The following BABAM2 variants were observed in gnomAD, a reference collection of about 807,000 sequenced individuals.
BABAM2 encodes the protein BRISC and BRCA1 A complex member 2.
BABAM2 carries 31 observed loss-of-function variants against 54.7 expected under a neutral mutation model. That is an observed-to-expected ratio of 0.57 (90% confidence interval 0.43 to 0.77). The LOEUF is 0.77. Ranked by LOEUF, BABAM2 falls within the 30% of genes least tolerant of loss-of-function variation. The probability of loss-of-function intolerance (pLI) is 0.00; values close to 1 mark genes in which losing one functional copy is unlikely to be tolerated. For missense variants in BABAM2, 364 were observed against 455.8 expected, an observed-to-expected ratio of 0.80 and a Z score of 1.83; for synonymous variants, 167 against 162.9, an observed-to-expected ratio of 1.03 and a Z score of -0.19.
intron 7 of BABAM2, among the ~76,000 whole-genome samples, chr2:28,162,696 C>T (rs1193084198): frequency 6.6e-6 from 1 of 152,198 alleles, no homozygotes; most frequent in African/African-American, 2.4e-5. Context: ...AATTTTTAAG[C>T]ATCTTGACTG....
At chr2:27,933,349 G>A (rs1668237189) in intron 3 of BABAM2, among the ~76,000 whole-genome samples, 1 of 152,038 alleles carries the variant, frequency 6.6e-6, no homozygotes, top group African/African-American at 2.4e-5. Flanking sequence ...ATGCTAAAAT[G>A]AGTCAAGATT....
At chr2:28,041,007 C>A (rs1475573085) in intron 5 of BABAM2, among the ~76,000 whole-genome samples, 1 of 152,150 alleles carries the variant, frequency 6.6e-6, no homozygotes, top group African/African-American at 2.4e-5. Flanking sequence ...AATAAAAATA[C>A]ATTGTACAAG....
intron 7 of BABAM2, among the ~76,000 whole-genome samples, chr2:28,139,634 G>A (rs1363461210): frequency 1.3e-5 from 2 of 152,108 alleles, no homozygotes; most frequent in African/African-American, 4.8e-5. Flanking sequence ...TGTTGCAGGA[G>A]GACTCTAGGT....
At chr2:27,919,645 A>G (rs981580923) in intron 2 of BABAM2, among the ~76,000 whole-genome samples, 1 of 152,208 alleles carries the variant, frequency 6.6e-6, no homozygotes. Context: ...AATTAAATGC[A>G]CATATTAGAA....
At chr2:28,279,006 AT>A (rs1686114816) in intron 10 of BABAM2, among the ~76,000 whole-genome samples, 2 of 152,220 alleles carry the variant, frequency 1.3e-5, no homozygotes, top group South Asian at 4.1e-4. Flanking sequence ...TCTTTTGAGA[AT>A]TTGGGGAATT....
chr2:27,946,628 TAGAG>T (rs1260948586), intron 3 of BABAM2, among the ~76,000 whole-genome samples: 1 of 145,640 alleles, frequency 6.9e-6, no homozygotes, highest in Admixed American at 6.8e-5. Context: ...TGGAGCGAGA[TAGAG>T]AGAGAGAGAA....
At chr2:28,074,314 T>C (rs1002571324) in intron 6 of BABAM2, among the ~76,000 whole-genome samples, 3 of 152,324 alleles carry the variant, frequency 2.0e-5, no homozygotes, top group South Asian at 4.1e-4. Context: ...TATAGAATGT[T>C]TAGCAGCATT....
At chr2:28,122,096 G>A (rs1378004097) in intron 6 of BABAM2, among the ~76,000 whole-genome samples, 3 of 152,048 alleles carry the variant, frequency 2.0e-5, no homozygotes, top group African/African-American at 7.3e-5. Context: ...GGCACCTGTA[G>A]TCCCAGCTAC....
intron 7 of BABAM2, among the ~76,000 whole-genome samples, chr2:28,173,228 G>T (rs1674551700): frequency 6.6e-6 from 1 of 152,176 alleles, no homozygotes; most frequent in Non-Finnish European, 1.5e-5. Flanking sequence ...TGTGGGGGTT[G>T]CCCTGGTACA....
intron 6 of BABAM2, among the ~76,000 whole-genome samples, chr2:28,049,391 G>A (rs1677836593): frequency 6.6e-6 from 1 of 152,154 alleles, no homozygotes; most frequent in Admixed American, 6.6e-5. Context: ...TGTTTATGTA[G>A]GCTAAATTGT....
chr2:28,214,841 T>C (rs927130097), intron 7 of BABAM2, among the ~76,000 whole-genome samples: 2 of 152,124 alleles, frequency 1.3e-5, no homozygotes, highest in Admixed American at 1.3e-4. Context: ...TGATAATGCT[T>C]ATGCAATTTG....
intron 4 of BABAM2, among the ~76,000 whole-genome samples, chr2:27,998,701 T>G (rs1284114543): frequency 6.6e-6 from 1 of 152,336 alleles, no homozygotes; most frequent in Non-Finnish European, 1.5e-5. Context: ...TACTTGTGAA[T>G]TCTTAACCAT....
chr2:28,029,892 T>C (rs930483065), intron 5 of BABAM2, among the ~76,000 whole-genome samples: 2 of 152,254 alleles, frequency 1.3e-5, no homozygotes, highest in African/African-American at 4.8e-5. Context: ...AGGAAAACTT[T>C]GTTGAACTTA....
chr2:28,121,774 T>A (rs1669088408), intron 6 of BABAM2, among the ~76,000 whole-genome samples: 1 of 152,070 alleles, frequency 6.6e-6, no homozygotes, highest in Non-Finnish European at 1.5e-5. Context: ...CCTAAGAGAG[T>A]CTTATTCTCT....
intron 7 of BABAM2, among the ~76,000 whole-genome samples, chr2:28,135,384 T>A (rs1481195141): frequency 6.6e-6 from 1 of 152,172 alleles, no homozygotes; most frequent in African/African-American, 2.4e-5. Flanking sequence ...AGTTTTTAGA[T>A]CCTTCCTTGT....
intron 5 of BABAM2, among the ~76,000 whole-genome samples, chr2:28,026,253 A>C (rs933824013): frequency 1.3e-5 from 2 of 152,220 alleles, no homozygotes; most frequent in African/African-American, 4.8e-5. Context: ...AAGGATTATA[A>C]ATCATTTTAC....
intron 7 of BABAM2, among the ~76,000 whole-genome samples, chr2:28,209,779 C>T (rs1679254437): frequency 6.6e-6 from 1 of 152,146 alleles, no homozygotes; most frequent in Non-Finnish European, 1.5e-5. Flanking sequence ...GTTGATCAAG[C>T]TATAGAATTC....
intron 7 of BABAM2, among the ~76,000 whole-genome samples, chr2:28,176,585 A>AAAAAAAAC (rs1674989906): frequency 6.9e-6 from 1 of 144,430 alleles, no homozygotes; most frequent in South Asian, 2.2e-4. Flanking sequence ...AAAAAAAAAA[A>AAAAAAAAC]AAAAAAAAAA....
chr2:27,906,145 G>T (rs577634626), intron 2 of BABAM2, among the ~76,000 whole-genome samples: 2 of 152,120 alleles, frequency 1.3e-5, no homozygotes, highest in Admixed American at 6.6e-5. Context: ...CAGTGTGTGG[G>T]GTCATAGATG....
Sources: allele counts gnomAD v4.1 joint callset (sites outside exome capture counted in the v4.1 genomes callset), GRCh38; gene constraint gnomAD v4.1.1; transcripts MANE v1.5; gene names NCBI Gene and HGNC (gene_info 2026-07-23, HGNC 2026-07-21).